Variants in LEKR1 observed in about 807,000 individuals in gnomAD.
The protein encoded by LEKR1 is leucine, glutamate and lysine rich 1, also known as protein LEKR1.
In LEKR1, 59 loss-of-function variants were observed where a neutral mutation model predicts 72.4. The ratio of observed to expected loss-of-function variants is 0.82; its 90% confidence interval spans 0.66 to 1.01. The LOEUF (loss-of-function observed/expected upper bound fraction) is 1.01, where lower values mean the gene tolerates loss of function less well. LEKR1 is among the 50% of genes least tolerant of loss of function. LEKR1 has a pLI of 0.00. For synonymous variants in LEKR1, 257 were observed against 263.2 expected (o/e 0.98, Z 0.23); for missense variants, 728 against 759.2 (o/e 0.96, Z 0.48).
intron 7 of LEKR1, among the ~76,000 whole-genome samples, chr3:156,980,616 G>A (rs573274278): frequency 1.3e-5 from 2 of 152,242 alleles, no homozygotes; most frequent in South Asian, 2.1e-4. Context: ...TCAAGGAGGG[G>A]TTTGGCCATG....
chr3:157,019,984 A>C (rs1019645409), intron 10 of LEKR1, among the ~76,000 whole-genome samples: 1 of 152,164 alleles, frequency 6.6e-6, no homozygotes, highest in Non-Finnish European at 1.5e-5. Context: ...TTTTTCTCAG[A>C]TTGTGCAAAT....
chr3:156,932,722 A>AG lies in LEKR1; in HGVS notation c.559+5118_559+5119insG, dbSNP rs1553806982. ...CTCTGTCTCAAAAAAAAAAAAAAAAAAGGGTATCTATGTTATTAAATGGAG... is the reference window on the plus strand; with the variant it reads ...CTCTGTCTCAAAAAAAAAAAAAAAAAGAGGGTATCTATGTTATTAAATGGAG... On this transcript the variant is annotated intron_variant, in intron 5 of 12. Coordinates refer to ENST00000356539, the MANE Select transcript of LEKR1 (RefSeq NM_001004316.3). Among the ~76,000 whole-genome samples, 113 of 118,438 alleles carry AG rather than the reference A, an allele frequency of 9.5e-4. 1 individual carries two copies. The highest frequency in any genetic ancestry group is 2.9e-3 in the African/African-American group (102 of 35,350). 77.7% of individuals were successfully genotyped at this position (118,438 alleles called of 152,430 possible).
At chr3:156,856,883 C>T (rs1716123370) in intron 3 of LEKR1, among the ~76,000 whole-genome samples, 2 of 151,880 alleles carry the variant, frequency 1.3e-5, no homozygotes, top group African/African-American at 4.8e-5. Flanking sequence ...TTTTTATTTC[C>T]AATAGTTATA....
chr3:156,894,219 C>T (rs574135113), intron 3 of LEKR1, among the ~76,000 whole-genome samples: 2 of 152,224 alleles, frequency 1.3e-5, no homozygotes, highest in South Asian at 4.2e-4. Flanking sequence ...AGATGGGGTA[C>T]CTGTTATCCA....
intron 6 of LEKR1, among the ~76,000 whole-genome samples, chr3:156,953,952 C>T (rs899292941): frequency 1.3e-5 from 2 of 151,964 alleles, no homozygotes; most frequent in East Asian, 1.9e-4. Flanking sequence ...ACATTGTCTT[C>T]CACAAAGGTT....
intron 2 of LEKR1, among the ~76,000 whole-genome samples, chr3:156,833,857 CCCAAT>C (rs1243662935): frequency 2.0e-5 from 3 of 151,466 alleles, no homozygotes; most frequent in African/African-American, 7.3e-5. Context: ...AAACAGCATA[CCCAAT>C]AAAGGTAGCA....
Position 157,024,822 on chromosome 3 carries a change from T to C in LEKR1, c.1266T>C (p.Leu422=). 6.2e-7 allele frequency: 1 copy of C among 1,612,384 alleles called. No individual in the cohort carries two copies. The highest frequency in any genetic ancestry group is 1.3e-5 in the African/African-American group (1 of 74,918). The change falls in exon 11 of 13, where the codon CTT becomes CTC. Residue 422 remains leucine, a synonymous_variant. Transcript: ENST00000356539. ...TGGTTGAATTTGAAGAGCAAGCTCT[T>C]CTCTTTAAGGAAGAAACAAAATTGC... ...QHLVEFEEQA[L]LFKEETKLQL...
chr3:156,829,885 A>G (rs1473791921), intron 2 of LEKR1, among the ~76,000 whole-genome samples: 1 of 152,188 alleles, frequency 6.6e-6, no homozygotes, highest in Non-Finnish European at 1.5e-5. Context: ...TCACAGGCGA[A>G]CCAAGTAGCC....
At chr3:156,925,762 A>T (rs1263630305) in intron 4 of LEKR1, among the ~76,000 whole-genome samples, 1 of 151,912 alleles carries the variant, frequency 6.6e-6, no homozygotes, top group Non-Finnish European at 1.5e-5. Context: ...TTAATTATTA[A>T]TTTTTTGTGA....
chr3:156,846,468 G>A, intron 2 of LEKR1, among the ~76,000 whole-genome samples: 1 of 150,306 alleles, frequency 6.7e-6, no homozygotes, highest in East Asian at 1.9e-4. Flanking sequence ...TTTTGTAAGT[G>A]CCCTTTACTA....
chr3:157,038,408 G>A (rs1735113161), intron 12 of LEKR1, among the ~76,000 whole-genome samples: 1 of 152,190 alleles, frequency 6.6e-6, no homozygotes, highest in African/African-American at 2.4e-5. Flanking sequence ...ATACCCAAGT[G>A]GAGATGTTGA....
At chr3:156,998,997 A>G (rs1731805485) in intron 9 of LEKR1, among the ~76,000 whole-genome samples, 1 of 152,114 alleles carries the variant, frequency 6.6e-6, no homozygotes, top group Non-Finnish European at 1.5e-5. Flanking sequence ...CTCCCATGCC[A>G]TTCTCGTGAT....
chr3:156,952,125 C>G (rs1397875178), intron 6 of LEKR1, among the ~76,000 whole-genome samples: 2 of 151,406 alleles, frequency 1.3e-5, no homozygotes, highest in Non-Finnish European at 3.0e-5. Context: ...GTGGCAAGCT[C>G]TATTTAAAGA....
At chr3:157,020,428 C>T (rs1299848826) in intron 10 of LEKR1, among the ~76,000 whole-genome samples, 2 of 92,774 alleles carry the variant, frequency 2.2e-5, no homozygotes, top group Non-Finnish European at 4.1e-5. Flanking sequence ...TCCCTCCCCC[C>T]TCCCCCCACC....
intron 12 of LEKR1, among the ~76,000 whole-genome samples, chr3:157,030,650 C>A (rs975513292): frequency 2.0e-5 from 3 of 152,156 alleles, no homozygotes; most frequent in African/African-American, 7.2e-5. Context: ...TATCTCATAG[C>A]TTCTGTGGGT....
At chr3:157,038,987 G>A (rs1735161976) in intron 12 of LEKR1, among the ~76,000 whole-genome samples, 1 of 152,112 alleles carries the variant, frequency 6.6e-6, no homozygotes, top group African/African-American at 2.4e-5. Flanking sequence ...TAAGGCTAAA[G>A]GACTATAGAT....
At chr3:156,990,312 A>G (rs943665558) in intron 7 of LEKR1, among the ~76,000 whole-genome samples, 1 of 152,182 alleles carries the variant, frequency 6.6e-6, no homozygotes, top group African/African-American at 2.4e-5. Context: ...TTTGACCCCA[A>G]CTGATGATGT....
At chr3:156,844,927 A>T (rs1317635860) in intron 2 of LEKR1, among the ~76,000 whole-genome samples, 2 of 148,140 alleles carry the variant, frequency 1.4e-5, no homozygotes, top group African/African-American at 5.0e-5. Context: ...TTTTTTAAAG[A>T]CACTACTAAA....
At chr3:156,969,736 A>C (rs1354158370) in intron 6 of LEKR1, among the ~76,000 whole-genome samples, 1 of 152,206 alleles carries the variant, frequency 6.6e-6, no homozygotes, top group East Asian at 1.9e-4. Flanking sequence ...TATTCCAATC[A>C]ATAGCAAAAG....
Sources: allele counts gnomAD v4.1 joint callset (sites outside exome capture counted in the v4.1 genomes callset), GRCh38; gene constraint gnomAD v4.1.1; transcripts MANE v1.5; gene names NCBI Gene and HGNC (gene_info 2026-07-23, HGNC 2026-07-21).